Variants in TMCO4 observed in about 807,000 individuals in gnomAD.
TMCO4 encodes transmembrane and coiled-coil domains 4.
A neutral mutation model predicts 64.7 loss-of-function variants in TMCO4; 58 were observed. That is an observed-to-expected ratio of 0.90 (90% CI 0.73 to 1.12). The LOEUF (loss-of-function observed/expected upper bound fraction) is 1.12. Ranked by LOEUF, TMCO4 falls within the 50% of genes most tolerant of loss-of-function variation. The pLI is 0.00. For missense variants in TMCO4, 780 were observed against 825.9 expected (o/e 0.94, Z 0.68); for synonymous variants, 325 against 346.1 (o/e 0.94, Z 0.68).
chr1:19,773,747 G>T (rs1557603690), intron 4 of TMCO4, among the ~76,000 whole-genome samples: 2 of 152,130 alleles, frequency 1.3e-5, no homozygotes, highest in South Asian at 4.2e-4. Flanking sequence ...GAAGTGAGAT[G>T]ATAAATATAA....
chr1:19,725,007 G>A lies in TMCO4; in HGVS notation c.1264+12365C>T, dbSNP rs1048783887. Among the ~76,000 whole-genome samples the A allele has an allele frequency of 7.2e-5, 11 of 152,078 alleles. 1 individual carries two copies. Among genetic ancestry groups the A allele is most frequent in the Admixed American group, 6.6e-5 (1 of 15,258 alleles). On this transcript the variant is annotated intron_variant, in intron 13 of 15. Transcript: ENST00000294543. ...AATCTCCTGACCTCGTGATGCACCC[G>A]CCTCGGCCTCCCAAAGTGCTGGGAT...
At chr1:19,751,922 T>C (rs182466634) in intron 7 of TMCO4, among the ~76,000 whole-genome samples, 1,720 of 151,718 alleles carry the variant, frequency 0.011, 41 homozygotes, top group African/African-American at 0.04. Flanking sequence ...GTGGCGGGCA[T>C]CTGTAGTCCC....
intron 13 of TMCO4, among the ~76,000 whole-genome samples, chr1:19,704,998 T>C (rs2095294753): frequency 6.6e-6 from 1 of 152,178 alleles, no homozygotes; most frequent in Non-Finnish European, 1.5e-5. Flanking sequence ...ATTTGCTCTC[T>C]TTGTCGCTGC....
intron 13 of TMCO4, among the ~76,000 whole-genome samples, chr1:19,718,650 C>CGAAAAAAAAA (rs2095367575): frequency 1.6e-5 from 1 of 63,334 alleles, no homozygotes; most frequent in South Asian, 7.2e-4. Flanking sequence ...GACCGTCTCT[C>CGAAAAAAAAA]AAAAAAAAAA....
chr1:19,705,704 C>T (rs1570692928), intron 13 of TMCO4, among the ~76,000 whole-genome samples: 1 of 151,820 alleles, frequency 6.6e-6, no homozygotes, highest in African/African-American at 2.4e-5. Context: ...TACCACCTGA[C>T]TGTTCCTAGA....
intron 14 of TMCO4, among the ~76,000 whole-genome samples, chr1:19,699,104 G>A (rs929669221): frequency 3.9e-5 from 6 of 151,956 alleles, no homozygotes; most frequent in Admixed American, 3.3e-4. Context: ...GCTGAGGCAG[G>A]AGAATGGCAT....
In TMCO4 at chr1:19,701,018, G is replaced by T. The variant is rs148834589; in HGVS notation, c.1265-133C>A. On this transcript the variant is annotated intron_variant, in intron 13 of 15. Coordinates refer to ENST00000294543, the MANE Select transcript of TMCO4 (RefSeq NM_181719.7). Reference sequence around the variant, plus strand: ...CACACGTGAACGTGGACAATCATGTGCAAATGTGCATGTACACACATGCAA... The same window carrying T: ...CACACGTGAACGTGGACAATCATGTTCAAATGTGCATGTACACACATGCAA... 6.8e-4 allele frequency: 476 copies of T among 699,586 alleles called. 6 individuals carry two copies. The East Asian group carries it at 0.013, about 19-fold the overall frequency. The allele number at this position is 699,586 out of a possible 1,614,324, so 43.3% of individuals were successfully genotyped here.
chr1:19,705,472 TA>T (rs1243383845), intron 13 of TMCO4, among the ~76,000 whole-genome samples: 2 of 136,480 alleles, frequency 1.5e-5, no homozygotes, highest in Non-Finnish European at 3.2e-5. Context: ...AATAAATAAA[TA>T]AACAAATAAA....
At chr1:19,701,511 T>C (rs1232264961) in intron 13 of TMCO4, among the ~76,000 whole-genome samples, 1 of 152,074 alleles carries the variant, frequency 6.6e-6, no homozygotes, top group Non-Finnish European at 1.5e-5. Context: ...ACCAAAGATA[T>C]CTGCAAGATC....
At chr1:19,795,957 G>A (rs1451338686) in intron 2 of TMCO4, among the ~76,000 whole-genome samples, 1 of 152,156 alleles carries the variant, frequency 6.6e-6, no homozygotes, top group Non-Finnish European at 1.5e-5. Flanking sequence ...CTCATCCTCA[G>A]CTAAACTGCA....
At chr1:19,708,298 A>G (rs182703479) in intron 13 of TMCO4, among the ~76,000 whole-genome samples, 8 of 151,998 alleles carry the variant, frequency 5.3e-5, no homozygotes, top group Admixed American at 5.2e-4. Context: ...TGCTCTTGTC[A>G]TGTTTTCAGC....
At chr1:19,715,700 G>A (rs904518225) in intron 13 of TMCO4, among the ~76,000 whole-genome samples, 22 of 152,352 alleles carry the variant, frequency 1.4e-4, no homozygotes, top group African/African-American at 5.3e-4. Flanking sequence ...CCCCTGGGCT[G>A]GGATTGGAGG....
chr1:19,760,110 C>T (rs1320986719), intron 6 of TMCO4, among the ~76,000 whole-genome samples: 1 of 152,158 alleles, frequency 6.6e-6, no homozygotes, highest in African/African-American at 2.4e-5. Context: ...CTCTCTCCTC[C>T]TCTCAGTGGG....
chr1:19,696,868 G>A (rs1438263770), intron 14 of TMCO4, among the ~76,000 whole-genome samples: 1 of 152,174 alleles, frequency 6.6e-6, no homozygotes, highest in Non-Finnish European at 1.5e-5. Flanking sequence ...CCCTCTCACT[G>A]TGCTGAGCAA....
rs1018142610 is a variant in TMCO4, at chr1:19,743,633, T to G, written c.877+1899A>C. Among the ~76,000 whole-genome samples, 1 of 152,294 alleles carries G rather than the reference T, an allele frequency of 6.6e-6. No homozygotes were observed. Reference sequence around the variant, plus strand: ...GCAAACTGAACAAATAGGGGCAAACTGAACAAGTGGGGGCAAAATGAAGAA... The same window carrying G: ...GCAAACTGAACAAATAGGGGCAAACGGAACAAGTGGGGGCAAAATGAAGAA... On this transcript the variant is annotated intron_variant, in intron 10 of 15. Transcript: ENST00000294543. The surrounding 1 kb of genome is among the most constrained non-coding windows in gnomAD (Gnocchi z 4.1).
Position 19,770,571 on chromosome 1 carries a change from T to A in TMCO4, c.355-2A>T. 1 of 1,612,920 alleles carries A rather than the reference T, an allele frequency of 6.2e-7. No homozygotes were observed. Among genetic ancestry groups the A allele is most frequent in the Non-Finnish European group, 8.5e-7 (1 of 1,179,582 alleles). ...CTTGAGTGAGAAGCTCAGAAGGTCC[T>A]GAGGGAGAAGACAACAGGCATCAAT... is the stretch of plus-strand genomic sequence containing the variant. On this transcript the variant is annotated splice_acceptor_variant, in intron 5 of 15. Coordinates refer to ENST00000294543, the MANE Select transcript of TMCO4 (RefSeq NM_181719.7). LOFTEE classifies it high-confidence loss of function.
chr1:19,791,014 T>C (rs2044004875), intron 2 of TMCO4, among the ~76,000 whole-genome samples: 1 of 152,162 alleles, frequency 6.6e-6, no homozygotes. Context: ...TGCAGGGATA[T>C]GGATGGAGCT....
chr1:19,739,794 T>C lies in TMCO4; in HGVS notation c.1179+30A>G, dbSNP rs770007334. 1.1e-5 allele frequency: 18 copies of C among 1,606,152 alleles called. No homozygotes were observed. The African/African-American group carries it at 1.7e-4, about 16-fold the overall frequency. ...GCACCTGACTTCCCCTCTTGCTCAATGCCACGCCCACACAGCCATTCCCAG... is the reference window on the plus strand; with the variant it reads ...GCACCTGACTTCCCCTCTTGCTCAACGCCACGCCCACACAGCCATTCCCAG... On this transcript the variant is annotated intron_variant, in intron 12 of 15. Coordinates refer to ENST00000294543, the MANE Select transcript of TMCO4 (RefSeq NM_181719.7).
chr1:19,683,325 G>A lies in TMCO4; in HGVS notation c.1620C>T (p.Ser540=), dbSNP rs150405344. ...GLLLAPGCLP[S]EEPRQAAAAA... is the part of the protein sequence containing the mutation. The stretch of plus-strand genomic sequence containing the variant: ...CAGCTGCTGCCTGGCGAGGCTCCTC[G>A]GAGGGCAGGCAGCCTGGGGCCAGCA... The change falls in exon 16 of 16, where the codon TCC becomes TCT. Residue 540 remains serine (S), a synonymous_variant. Transcript: ENST00000294543. 2.1e-4 allele frequency: 340 copies of A among 1,613,956 alleles called. No individual in the cohort carries two copies. The highest frequency in any genetic ancestry group is 2.7e-4 in the Non-Finnish European group (320 of 1,179,944).
Sources: gnomAD v4.1 joint callset for allele counts (sites outside exome capture counted in the v4.1 genomes callset) on GRCh38, gnomAD v4.1.1 for gene constraint, Gnocchi (gnomAD v3.1) non-coding constraint, MANE v1.5 for transcripts, NCBI Gene and HGNC (gene_info 2026-07-23, HGNC 2026-07-21) for gene names.